The following FSTL4 variants were observed in gnomAD, a reference collection of about 807,000 sequenced individuals.
FSTL4 encodes follistatin-related protein 4.
FSTL4 carries 28 observed loss-of-function variants against 78.2 expected under a neutral mutation model. The observed-to-expected ratio is 0.36, with a 90% CI of 0.27 to 0.49. FSTL4 has a LOEUF of 0.49. FSTL4 is among the 20% of genes least tolerant of loss of function. The pLI is 0.98. For missense variants in FSTL4, 922 were observed against 1,084.9 expected (o/e 0.85, Z 2.11); for synonymous variants, 422 against 440.5 (o/e 0.96, Z 0.53).
At chr5:133,627,430 G>A in the FSTL4 span, among the ~76,000 whole-genome samples, 1 of 152,106 alleles carries the variant, frequency 6.6e-6, no homozygotes, top group Non-Finnish European at 1.5e-5. Flanking sequence ...ACAGTATGGG[G>A]GAGATCACTT....
At chr5:133,685,270 G>A in the FSTL4 span, among the ~76,000 whole-genome samples, 1 of 152,202 alleles carries the variant, frequency 6.6e-6, no homozygotes, top group Non-Finnish European at 1.5e-5. Flanking sequence ...CTGTCTTTGA[G>A]ATGACAAACC....
At chr5:133,755,400 A>C in the FSTL4 span, among the ~76,000 whole-genome samples, 2 of 152,168 alleles carry the variant, frequency 1.3e-5, no homozygotes, top group African/African-American at 4.8e-5. Flanking sequence ...TCCACCTGCT[A>C]TAGACAGGAT....
intron 6 of FSTL4, among the ~76,000 whole-genome samples, chr5:133,283,258 G>C (rs201853844): frequency 3.5e-5 from 5 of 144,640 alleles, no homozygotes; most frequent in East Asian, 2.4e-4. Context: ...GTGTGTGTGT[G>C]TGTGTCTGTG....
the FSTL4 span, among the ~76,000 whole-genome samples, chr5:133,813,217 T>C: frequency 7.2e-5 from 11 of 152,216 alleles, no homozygotes; most frequent in Non-Finnish European, 1.3e-4. Context: ...TGGACACATT[T>C]TTAAAAAGAA....
At chr5:133,268,859 A>T (rs1205212851) in intron 6 of FSTL4, among the ~76,000 whole-genome samples, 1 of 152,152 alleles carries the variant, frequency 6.6e-6, no homozygotes, top group Non-Finnish European at 1.5e-5. Flanking sequence ...GGGATTGGTT[A>T]TTATGTTTTG....
At chr5:133,781,905 A>C in the FSTL4 span, among the ~76,000 whole-genome samples, 1 of 152,266 alleles carries the variant, frequency 6.6e-6, no homozygotes, top group Non-Finnish European at 1.5e-5. Flanking sequence ...ATATTTAATA[A>C]CCATTCATAA....
chr5:133,411,618 A>G (rs761776112), intron 3 of FSTL4, among the ~76,000 whole-genome samples: 5 of 152,136 alleles, frequency 3.3e-5, no homozygotes, highest in Non-Finnish European at 7.4e-5. Flanking sequence ...ATAGAAGAAA[A>G]CTCCTTAAAT....
intron 3 of FSTL4, among the ~76,000 whole-genome samples, chr5:133,559,828 G>A (rs1759875070): frequency 6.6e-6 from 1 of 152,198 alleles, no homozygotes; most frequent in African/African-American, 2.4e-5. Flanking sequence ...GCTCTCTGAG[G>A]ATGGTAGTTA....
At chr5:133,379,905 T>A (rs10071811) in intron 4 of FSTL4, among the ~76,000 whole-genome samples, 2,367 of 152,050 alleles carry the variant, frequency 0.016, 60 homozygotes, top group African/African-American at 0.053. Flanking sequence ...TGAAACCTCA[T>A]CTCTACTAAA....
chr5:133,293,028 C>T (rs1753303467), intron 6 of FSTL4, among the ~76,000 whole-genome samples: 1 of 152,222 alleles, frequency 6.6e-6, no homozygotes, highest in East Asian at 1.9e-4. Context: ...AAAAGAGATC[C>T]TTTCTTCTCC....
At chr5:133,463,136 T>C (rs1757630701) in intron 3 of FSTL4, among the ~76,000 whole-genome samples, 1 of 152,210 alleles carries the variant, frequency 6.6e-6, no homozygotes, top group Admixed American at 6.5e-5. Flanking sequence ...CCTTAGTGAC[T>C]GTGTGTCAGG....
chr5:133,433,134 G>A (rs1365095200), intron 3 of FSTL4, among the ~76,000 whole-genome samples: 2 of 152,212 alleles, frequency 1.3e-5, no homozygotes, highest in Non-Finnish European at 2.9e-5. Context: ...CTCTTTTTCA[G>A]TGAACTAAAA....
rs142809229 is a variant in FSTL4, at chr5:133,278,475, G to A, written c.728-28899C>T. On this transcript the variant is annotated intron_variant, in intron 6 of 15. Coordinates refer to ENST00000265342, the MANE Select transcript of FSTL4 (RefSeq NM_015082.2). ...TCTGTGCTGGAACTTTCTTTCCCAC[G>A]TTCTGTCAGGGCTGATACCAGCGTA... Among the ~76,000 whole-genome samples, 22 of 152,304 alleles carry A rather than the reference G, an allele frequency of 1.4e-4. No individual in the cohort carries two copies. In the East Asian group the frequency reaches 2.9e-3, roughly 20 times the overall value.
rs201719850 is a variant in FSTL4, at chr5:133,249,468, G to T, written c.836C>A (p.Pro279Gln). The T allele has an allele frequency of 6.2e-7, 1 of 1,613,740 alleles. No individual in the cohort carries two copies. Among genetic ancestry groups the T allele is most frequent in the Non-Finnish European group, 8.5e-7 (1 of 1,179,666 alleles). ...GAGCCCGTTGCGCTTCCAGATGATT[G>T]GTGGCCTCAGGTCTCCATGGACGGC... ...TCAVHGDLRP[P>Q]IIWKRNGLTL... Residue 279 changes from proline to glutamine, a missense_variant, in exon 7 of 16, where the codon CCA (proline) becomes CAA (glutamine). Physicochemically the swap from Pro to Gln is moderately conservative, Grantham distance 76. Transcript: ENST00000265342.
the FSTL4 span, among the ~76,000 whole-genome samples, chr5:133,744,248 C>A: frequency 6.6e-6 from 1 of 152,230 alleles, no homozygotes; most frequent in African/African-American, 2.4e-5. Context: ...GTTGGAACTT[C>A]TGTAAGCACC....
chr5:133,219,947 A>T (rs1443862500), intron 12 of FSTL4, among the ~76,000 whole-genome samples: 1 of 152,248 alleles, frequency 6.6e-6, no homozygotes, highest in Non-Finnish European at 1.5e-5. Flanking sequence ...AAATAACTCA[A>T]ATGAAACAGC....
intron 3 of FSTL4, among the ~76,000 whole-genome samples, chr5:133,415,659 T>C (rs1376231891): frequency 6.6e-6 from 1 of 152,104 alleles, no homozygotes; most frequent in Non-Finnish European, 1.5e-5. Flanking sequence ...AGGGTGGCTT[T>C]GTCGGTCTCC....
chr5:133,419,397 C>T (rs1267845688), intron 3 of FSTL4, among the ~76,000 whole-genome samples: 1 of 152,182 alleles, frequency 6.6e-6, no homozygotes, highest in Non-Finnish European at 1.5e-5. Context: ...GGACTACAGG[C>T]GTGAGCCACC....
At chr5:133,783,608 G>T in the FSTL4 span, among the ~76,000 whole-genome samples, 1 of 152,128 alleles carries the variant, frequency 6.6e-6, no homozygotes, top group African/African-American at 2.4e-5. Context: ...TCCACTGTGT[G>T]CAAAATGACT....
Sources: allele counts gnomAD v4.1 joint callset (sites outside exome capture counted in the v4.1 genomes callset), GRCh38; gene constraint gnomAD v4.1.1; transcripts MANE v1.5; gene names NCBI Gene and HGNC (gene_info 2026-07-23, HGNC 2026-07-21).